Variants in EYA3 observed in about 807,000 individuals in gnomAD.
The protein encoded by EYA3 is EYA transcriptional coactivator and phosphatase 3, also known as protein phosphatase EYA3.
A neutral mutation model predicts 80.0 loss-of-function variants in EYA3; 39 were observed. That is an observed-to-expected ratio of 0.49 (90% CI 0.38 to 0.64). The LOEUF is 0.64. Among genes scored for constraint, EYA3 ranks in the 30% least tolerant of loss-of-function variants. EYA3 has a pLI of 0.00. For missense variants in EYA3, 523 were observed against 676.1 expected (o/e 0.77, Z 2.51); for synonymous variants, 206 against 232.8 (o/e 0.88, Z 1.05).
At chr1:28,060,100 A>G (rs1475910499) in intron 1 of EYA3, among the ~76,000 whole-genome samples, 1 of 152,170 alleles carries the variant, frequency 6.6e-6, no homozygotes, top group African/African-American at 2.4e-5. Flanking sequence ...TGACTATAAA[A>G]CTACAATCTC....
intron 8 of EYA3, among the ~76,000 whole-genome samples, chr1:28,014,690 T>C (rs1397492957): frequency 1.3e-5 from 2 of 150,866 alleles, no homozygotes; most frequent in Non-Finnish European, 2.9e-5. Flanking sequence ...ATCATACCAC[T>C]GCATTCCAGA....
intron 1 of EYA3, among the ~76,000 whole-genome samples, chr1:28,087,132 G>A (rs149906661): frequency 0.014 from 2,154 of 152,220 alleles, 32 homozygotes; most frequent in South Asian, 0.027. Context: ...CTGCAATCAA[G>A]TGCTAGATAT....
At chr1:28,063,420 A>G (rs1644715965) in intron 1 of EYA3, among the ~76,000 whole-genome samples, 1 of 133,680 alleles carries the variant, frequency 7.5e-6, no homozygotes, top group South Asian at 2.3e-4. Flanking sequence ...ACAGCGGCGT[A>G]ATCTCGGCTC....
chr1:28,078,426 CACAA>C (rs1192531929), intron 1 of EYA3, among the ~76,000 whole-genome samples: 24 of 152,188 alleles, frequency 1.6e-4, no homozygotes, highest in Non-Finnish European at 2.2e-4. Flanking sequence ...TCATCATAGT[CACAA>C]ACACTCTCAG....
chr1:28,001,725 C>T (rs1258003777), intron 11 of EYA3, among the ~76,000 whole-genome samples: 22 of 116,692 alleles, frequency 1.9e-4, no homozygotes, highest in African/African-American at 6.1e-4. Flanking sequence ...GGTGACAGAG[C>T]GAGACTCTGT....
At position 28,035,694 on chromosome 1, in the gene EYA3, T is replaced by C; in HGVS notation, c.225-14A>G. 6.2e-7 allele frequency: 1 copy of C among 1,607,412 alleles called. No homozygotes were observed. The highest frequency in any genetic ancestry group is 8.5e-7 in the Non-Finnish European group (1 of 1,178,088). ...TGTGCATAAGGTCTGGAAAATTTCA[T>C]GAAAACAAAAACTTTTGTGTGATTT... On this transcript the variant is annotated splice_polypyrimidine_tract_variant and intron_variant, in intron 5 of 17. Transcript: ENST00000373871.
At chr1:28,004,311 T>C (rs370569281) in intron 11 of EYA3, 25 bp downstream of exon 11, 57 of 1,536,468 alleles carry the variant, frequency 3.7e-5, no homozygotes, top group Admixed American at 1.7e-4. Context: ...AGAGGGACAG[T>C]TACAACAAAG....
intron 1 of EYA3, among the ~76,000 whole-genome samples, chr1:28,087,605 T>C (rs1571998292): frequency 6.6e-6 from 1 of 152,346 alleles, no homozygotes; most frequent in Middle Eastern, 3.4e-3. Context: ...ACAAATTCTG[T>C]CCTCTATCAT....
chr1:28,020,789 A>C (rs1384571889), intron 7 of EYA3, among the ~76,000 whole-genome samples: 1 of 152,094 alleles, frequency 6.6e-6, no homozygotes, highest in Non-Finnish European at 1.5e-5. Context: ...AAAACTACAA[A>C]TTTAGAGAAT....
At chr1:28,052,960 G>A (rs956267670) in intron 2 of EYA3, among the ~76,000 whole-genome samples, 1 of 151,528 alleles carries the variant, frequency 6.6e-6, no homozygotes, top group Non-Finnish European at 1.5e-5. Flanking sequence ...TCTGAGACCA[G>A]CTGGGCAACA....
chr1:28,042,855 T>C (rs1377036691), intron 3 of EYA3, among the ~76,000 whole-genome samples: 2 of 152,094 alleles, frequency 1.3e-5, no homozygotes, highest in African/African-American at 4.8e-5. Flanking sequence ...GCTCTTTCTT[T>C]TTTTTTTGAG....
intron 1 of EYA3, among the ~76,000 whole-genome samples, chr1:28,075,652 G>T (rs1645174694): frequency 6.6e-6 from 1 of 152,198 alleles, no homozygotes; most frequent in Non-Finnish European, 1.5e-5. Context: ...AAAGTTTGCT[G>T]TTTTTGCCAA....
At chr1:28,014,417 C>CAAG (rs1213268568) in intron 8 of EYA3, among the ~76,000 whole-genome samples, 2 of 49,540 alleles carry the variant, frequency 4.0e-5, no homozygotes, top group Admixed American at 2.6e-4. Flanking sequence ...CACACTGTCT[C>CAAG]AAAAAAAAAA....
At chr1:28,004,440 A>T in intron 10 of EYA3, 21 bp from the exon 11 acceptor site, 1 of 1,561,832 alleles carries the variant, frequency 6.4e-7, no homozygotes, top group Non-Finnish European at 8.8e-7. Context: ...AAAATATAAA[A>T]AATGAGTATA....
chr1:28,078,090 AAAAAT>A (rs1468821780), intron 1 of EYA3, among the ~76,000 whole-genome samples: 3 of 152,236 alleles, frequency 2.0e-5, no homozygotes, highest in Non-Finnish European at 4.4e-5. Flanking sequence ...TTTGTTAAAG[AAAAAT>A]AAAATAAATA....
intron 11 of EYA3, among the ~76,000 whole-genome samples, chr1:28,001,906 TTTTTA>T (rs1032607818): frequency 2.7e-5 from 4 of 146,718 alleles, no homozygotes; most frequent in African/African-American, 5.0e-5. Context: ...AATTTTTGAA[TTTTTA>T]TTTTATTTTA....
intron 1 of EYA3, among the ~76,000 whole-genome samples, chr1:28,073,129 T>TATA (rs1449412878): frequency 3.7e-5 from 1 of 27,214 alleles, no homozygotes; most frequent in East Asian, 1.5e-3. Flanking sequence ...ATATATATAT[T>TATA]TTTTTTTTTT....
At chr1:28,053,354 A>C (rs1644335957) in intron 2 of EYA3, among the ~76,000 whole-genome samples, 1 of 152,178 alleles carries the variant, frequency 6.6e-6, no homozygotes, top group Non-Finnish European at 1.5e-5. Flanking sequence ...CTATGGGCAT[A>C]TAATGGCTAA....
At chr1:28,066,365 T>C (rs1464805199) in intron 1 of EYA3, among the ~76,000 whole-genome samples, 1 of 152,102 alleles carries the variant, frequency 6.6e-6, no homozygotes, top group African/African-American at 2.4e-5. Context: ...GTTAATTTTA[T>C]CTTACGTATA....
Sources: gnomAD v4.1 joint callset for allele counts (sites outside exome capture counted in the v4.1 genomes callset) on GRCh38, gnomAD v4.1.1 for gene constraint, MANE v1.5 for transcripts, NCBI Gene and HGNC (gene_info 2026-07-23, HGNC 2026-07-21) for gene names.